ZNF160: variants seen among roughly 807,000 people sequenced by gnomAD.
ZNF160 encodes KRAB zinc finger protein KR18.
Under a neutral mutation model 13.1 loss-of-function variants are expected in ZNF160, and 9 were observed. The ratio of observed to expected loss-of-function variants is 0.69; its 90% confidence interval spans 0.41 to 1.20. The LOEUF (loss-of-function observed/expected upper bound fraction) is 1.20, where lower values mean the gene tolerates loss of function less well. Among genes scored for constraint, ZNF160 ranks in the 50% most tolerant of loss-of-function variants. ZNF160 has a pLI of 0.01. For synonymous variants in ZNF160, 293 were observed against 333.2 expected (o/e 0.88, Z 1.31); for missense variants, 838 against 988.0 (o/e 0.85, Z 2.04).
chr19:53,086,622 C>T (rs988360350), intron 2 of ZNF160, among the ~76,000 whole-genome samples: 4 of 152,124 alleles, frequency 2.6e-5, no homozygotes, highest in Non-Finnish European at 5.9e-5. Flanking sequence ...GACACAGACC[C>T]AGCCCTGACC....
intron 1 of ZNF160, among the ~76,000 whole-genome samples, chr19:53,101,345 T>C (rs2085440107): frequency 6.6e-6 from 1 of 151,872 alleles, no homozygotes; most frequent in African/African-American, 2.4e-5. Context: ...GTATTTCCAA[T>C]ATATGATAAA....
chr19:53,096,702 A>G (rs1050921813), intron 1 of ZNF160, among the ~76,000 whole-genome samples: 3 of 127,500 alleles, frequency 2.4e-5, no homozygotes, highest in Non-Finnish European at 3.5e-5. Flanking sequence ...ACAGAGCAGC[A>G]GAAAGGCAGG....
At position 53,073,262 on chromosome 19, in the gene ZNF160, G is replaced by A. The variant is rs1600816242; in HGVS notation, c.271+878C>T. The A allele has an allele frequency of 6.0e-6, 9 of 1,506,106 alleles. No homozygotes were observed. In the East Asian group the frequency reaches 6.9e-5, roughly 12 times the overall value. 93.3% of individuals were successfully genotyped at this position (1,506,106 alleles called of 1,614,324 possible). A position where few individuals can be genotyped will look rare whatever the true frequency, so the allele number is the denominator to read the frequency against. Reference sequence around the variant, plus strand: ...GCTGAAGCCTGGAAAAACAGAATACGCACCCCATGTAAGACTGAGGATCAA... The same window carrying A: ...GCTGAAGCCTGGAAAAACAGAATACACACCCCATGTAAGACTGAGGATCAA... On this transcript the variant is annotated intron_variant, in intron 5 of 5. Coordinates refer to ENST00000683776, the MANE Select transcript of ZNF160 (RefSeq NM_001322131.2).
rs371762275 is a variant in ZNF160, at chr19:53,102,081, G to T, written c.-354+1184C>A. On this transcript the variant is annotated intron_variant, in intron 1 of 5. Transcript: ENST00000683776. The stretch of plus-strand genomic sequence containing the variant: ...ATCTTCCCCCTAGGATTCTGACGAT[G>T]TTGTGCCTCTTTTTTCTTCTGCTGT... Among the ~76,000 whole-genome samples, 651 of 152,024 alleles carry T rather than the reference G, an allele frequency of 4.3e-3. 4 individuals are homozygous for T. The highest frequency in any genetic ancestry group is 0.015 in the African/African-American group (609 of 41,464).
chr19:53,093,018 T>C (rs2085091480), intron 1 of ZNF160, among the ~76,000 whole-genome samples: 1 of 152,192 alleles, frequency 6.6e-6, no homozygotes, highest in Non-Finnish European at 1.5e-5. Context: ...TTTCATTAAA[T>C]TGAGAATAGT....
chr19:53,074,000 G>C (rs1271468887), intron 5 of ZNF160, 140 bp downstream of exon 5: 2 of 761,626 alleles, frequency 2.6e-6, no homozygotes, highest in Non-Finnish European at 4.3e-6. Context: ...ATGTTGGTCA[G>C]GCTGGTCTCG....
intron 2 of ZNF160, among the ~76,000 whole-genome samples, chr19:53,087,409 C>A (rs935692287): frequency 2.6e-5 from 4 of 152,192 alleles, no homozygotes; most frequent in Admixed American, 2.0e-4. Flanking sequence ...AACACACTTA[C>A]AACATAGTAT....
chr19:53,071,539 C>CA (rs56799856), intron 5 of ZNF160, among the ~76,000 whole-genome samples: 20,344 of 58,522 alleles, frequency 0.35, 2,550 homozygotes, highest in Non-Finnish European at 0.38. Context: ...TCCGTCTCAT[C>CA]AAAAAAAAAA....
At chr19:53,086,471 A>C in intron 2 of ZNF160, 150 bp from the exon 3 acceptor site, 1 of 566,596 alleles carries the variant, frequency 1.8e-6, no homozygotes, top group Non-Finnish European at 2.9e-6. Context: ...GCCCCACTGC[A>C]CCAGGGGGAA....
Position 53,069,842 on chromosome 19 carries a change from C to T in ZNF160, c.692G>A (p.Arg231Lys), listed in dbSNP as rs1386247082. ...GTTAAGTTCATGATATTTTTTAGAC[C>T]TGTGGGTTTGGACACTAGAAGGAAT... The part of the protein sequence containing the change: ...QQIPSSVQTH[R>K]SKKYHELNHF... Residue 231 changes from arginine (R) to lysine (K), a missense_variant, in exon 6 of 6, where the codon AGG (arginine) becomes AAG (lysine). By Grantham distance (26) the Arg-to-Lys change is conservative (BLOSUM62 2). This residue lies in a region of ZNF160 where 387 missense variants were observed against 402.3 expected (regional missense o/e 0.96). Transcript: ENST00000683776. The surrounding 1 kb of genome is among the most constrained non-coding windows in gnomAD (Gnocchi z 4.4). The T allele has an allele frequency of 6.2e-7, 1 of 1,614,060 alleles. No individual in the cohort carries two copies. Among genetic ancestry groups the T allele is most frequent in the African/African-American group, 1.3e-5 (1 of 75,012 alleles).
At chr19:53,071,539 C>CAAAAAA (rs56799856) in intron 5 of ZNF160, among the ~76,000 whole-genome samples, 2 of 58,776 alleles carry the variant, frequency 3.4e-5, no homozygotes, top group East Asian at 6.3e-4. Flanking sequence ...TCCGTCTCAT[C>CAAAAAA]AAAAAAAAAA....
At chr19:53,086,657 C>G (rs1046830555) in intron 2 of ZNF160, among the ~76,000 whole-genome samples, 6 of 152,272 alleles carry the variant, frequency 3.9e-5, no homozygotes, top group South Asian at 4.1e-4. Flanking sequence ...ACACAGCCCC[C>G]CTCACCTCTC....
chr19:53,073,028 A>G, intron 5 of ZNF160: 1 of 587,706 alleles, frequency 1.7e-6, no homozygotes, highest in Non-Finnish European at 2.3e-6. Context: ...ATAGGTATAC[A>G]ATATGGACTG....
At chr19:53,074,738 G>A (rs923105419) in intron 4 of ZNF160, among the ~76,000 whole-genome samples, 3 of 151,162 alleles carry the variant, frequency 2.0e-5, no homozygotes, top group African/African-American at 7.3e-5. Context: ...GGTACATGCT[G>A]ATAGAAGGCT....
At chr19:53,090,370 T>C (rs186801052) in intron 2 of ZNF160, among the ~76,000 whole-genome samples, 135 of 152,308 alleles carry the variant, frequency 8.9e-4, no homozygotes, top group African/African-American at 3.1e-3. Flanking sequence ...TCACTCTCAG[T>C]GTCTGTCTGC....
At chr19:53,074,040 T>C in intron 5 of ZNF160, 100 bp downstream of exon 5, 4 of 1,179,728 alleles carry the variant, frequency 3.4e-6, no homozygotes, top group Non-Finnish European at 4.9e-6. Context: ...TCTGCCCACC[T>C]TGGCCTCCCT....
chr19:53,092,150 A>G (rs2085058200), intron 1 of ZNF160, among the ~76,000 whole-genome samples: 2 of 152,214 alleles, frequency 1.3e-5, no homozygotes, highest in Admixed American at 1.3e-4. Flanking sequence ...AAGAGAAACC[A>G]AAGAACATAG....
chr19:53,074,338 G>C (rs1374134969), intron 4 of ZNF160, 70 bp from the exon 5 acceptor site: 24 of 1,587,250 alleles, frequency 1.5e-5, no homozygotes, highest in Non-Finnish European at 1.9e-5. Flanking sequence ...GTTTACATGA[G>C]AGGACATTAT....
intron 4 of ZNF160, 36 bp from the exon 5 acceptor site, chr19:53,074,304 G>T: frequency 6.2e-7 from 1 of 1,609,580 alleles, no homozygotes; most frequent in Non-Finnish European, 8.5e-7. Context: ...ATGTGCCGGG[G>T]CTTTTCCAGA....
Sources: gnomAD v4.1 joint callset for allele counts (sites outside exome capture counted in the v4.1 genomes callset) on GRCh38, gnomAD v4.1.1 for gene constraint, gnomAD v4.1.1 regional missense constraint, Gnocchi (gnomAD v3.1) non-coding constraint, MANE v1.5 for transcripts, NCBI Gene and HGNC (gene_info 2026-07-23, HGNC 2026-07-21) for gene names.